The following PCYT1A variants were observed in gnomAD, a reference collection of about 807,000 sequenced individuals.
The protein encoded by PCYT1A is choline-phosphate cytidylyltransferase A.
PCYT1A carries 25 observed loss-of-function variants against 43.7 expected under a neutral mutation model. That is an observed-to-expected ratio of 0.57 (90% CI 0.42 to 0.80). PCYT1A has a LOEUF of 0.80. Among genes scored for constraint, PCYT1A ranks in the 30% least tolerant of loss-of-function variants. The pLI, the probability that PCYT1A is intolerant of heterozygous loss-of-function variation, is 0.00. For missense variants in PCYT1A, 421 were observed against 474.2 expected (o/e 0.89, Z 1.04); for synonymous variants, 172 against 170.7 (o/e 1.01, Z -0.06).
intron 5 of PCYT1A, among the ~76,000 whole-genome samples, chr3:196,246,555 TG>T (rs1353414203): frequency 6.6e-6 from 1 of 152,190 alleles, no homozygotes; most frequent in Non-Finnish European, 1.5e-5. Context: ...TACTTTAATG[TG>T]GGAGAATTAA....
rs753145998 is a variant in PCYT1A at position 196,239,727 on chromosome 3, T to C, written c.717A>G (p.Lys239=). The C allele has an allele frequency of 1.3e-6, 2 of 1,598,590 alleles. No homozygotes were observed. The highest frequency in any genetic ancestry group is 1.7e-5 in the Admixed American group (1 of 59,906). The part of the protein sequence containing the change: ...ELNVSFINEK[K]YHLQERVDKV... ...TGTCAACCCTCTCCTGCAAGTGGTATTTCTTCTCCTAGATAAAGAAATAAC... is the reference window on the plus strand; with the variant it reads ...TGTCAACCCTCTCCTGCAAGTGGTACTTCTTCTCCTAGATAAAGAAATAAC... The change falls in exon 8 of 9, where the codon AAA becomes AAG. Residue 239 remains lysine (K), a synonymous_variant. Transcript: ENST00000431016.
At chr3:196,271,317 T>G (rs1328625898) in intron 1 of PCYT1A, among the ~76,000 whole-genome samples, 1 of 152,182 alleles carries the variant, frequency 6.6e-6, no homozygotes, top group Non-Finnish European at 1.5e-5. Flanking sequence ...CATCACTGAG[T>G]GAATTTCTTA....
rs1725483676 is a variant in PCYT1A, at chr3:196,273,056, C to G, written c.-10-2515G>C. Among the ~76,000 whole-genome samples the G allele has an allele frequency of 6.6e-6, 1 of 152,222 alleles. No homozygotes were observed. Among genetic ancestry groups the G allele is most frequent in the African/African-American group, 2.4e-5 (1 of 41,454 alleles). On this transcript the variant is annotated intron_variant, in intron 1 of 8. Transcript: ENST00000431016. This position sits in a 1 kb window ranked among gnomAD's most constrained non-coding sequence, Gnocchi z 4.1. ...CACAGGGTCCGGCCACTGCGCACAG[C>G]CAGGCACGCCAGCTGCCAGGGGGTG...
chr3:196,240,153 A>C (rs1189618395), intron 7 of PCYT1A: 1 of 163,926 alleles, frequency 6.1e-6, no homozygotes, highest in Non-Finnish European at 1.3e-5. Context: ...TTGAAAGAGA[A>C]AATACTAGAT....
intron 1 of PCYT1A, among the ~76,000 whole-genome samples, chr3:196,271,419 T>G (rs1196074620): frequency 6.6e-6 from 1 of 152,192 alleles, no homozygotes; most frequent in Non-Finnish European, 1.5e-5. Context: ...ATTTACTTTT[T>G]TATTGTTTTT....
chr3:196,244,494 A>C (rs1724491128), intron 5 of PCYT1A, among the ~76,000 whole-genome samples: 1 of 144,964 alleles, frequency 6.9e-6, no homozygotes, highest in Admixed American at 6.9e-5. Context: ...TCCGCCCGGC[A>C]GCCACCCCGT....
At chr3:196,258,033 T>C (rs1345667315) in intron 2 of PCYT1A, 146 bp from the exon 3 acceptor site, 13 of 552,888 alleles carry the variant, frequency 2.4e-5, no homozygotes, top group Non-Finnish European at 4.2e-5. Context: ...CCGCCTGTAA[T>C]CCCAGCACTT....
intron 1 of PCYT1A, among the ~76,000 whole-genome samples, chr3:196,285,557 AG>A (rs1381288127): frequency 1.3e-5 from 2 of 152,242 alleles, no homozygotes; most frequent in African/African-American, 4.8e-5. Context: ...ACAGCCCTAA[AG>A]AAAGGGAATG....
chr3:196,267,241 C>T (rs1380705911), intron 2 of PCYT1A: 2 of 420,068 alleles, frequency 4.8e-6, no homozygotes, highest in Non-Finnish European at 9.5e-6. Context: ...ATCTTCAAAA[C>T]AAGCTCAGTG....
intron 2 of PCYT1A, among the ~76,000 whole-genome samples, chr3:196,259,235 T>G (rs1051695218): frequency 2.6e-5 from 4 of 152,180 alleles, no homozygotes; most frequent in African/African-American, 9.7e-5. Context: ...TTTTAATGAC[T>G]AATTCCTTTT....
chr3:196,238,905 C>T lies in PCYT1A; in HGVS notation c.898-11G>A, dbSNP rs1170539147. The T allele has an allele frequency of 4.3e-6, 6 of 1,392,880 alleles. No individual in the cohort carries two copies. The highest frequency in any genetic ancestry group is 2.8e-5 in the East Asian group (1 of 35,128). The allele number at this position is 1,392,880 out of a possible 1,614,324, so 86.3% of individuals were successfully genotyped here. A position where few individuals can be genotyped will look rare whatever the true frequency, so the allele number is the denominator to read the frequency against. On this transcript the variant is annotated splice_polypyrimidine_tract_variant and intron_variant, in intron 8 of 8. Transcript: ENST00000431016. ...TTTCAGCATATGTTTCTGCAGAAAC[C>T]GAAAGGAAGAGTCAGAAAAACACCG...
At chr3:196,286,989 T>C (rs891586680) in intron 1 of PCYT1A, among the ~76,000 whole-genome samples, 3 of 152,202 alleles carry the variant, frequency 2.0e-5, no homozygotes, top group African/African-American at 7.2e-5. Flanking sequence ...AAGAAACCCA[T>C]AGTGTGGGAG....
Position 196,247,225 on chromosome 3 carries a change from A to G in PCYT1A, c.486+142T>C. The G allele has an allele frequency of 1.2e-6, 1 of 825,830 alleles. No homozygotes were observed. Among genetic ancestry groups the G allele is most frequent in the South Asian group, 1.6e-5 (1 of 63,064 alleles). The allele number at this position is 825,830 out of a possible 1,614,324, so 51.2% of individuals were successfully genotyped here. On this transcript the variant is annotated intron_variant, in intron 5 of 8. Transcript: ENST00000431016. The surrounding 1 kb of genome is among the most constrained non-coding windows in gnomAD (Gnocchi z 4.8). ...GTCAGGGGTGACTGTTATCACTAGT[A>G]ATATCACTGTCATCTCCTACGAAAC...
chr3:196,245,298 C>T (rs987955387), intron 5 of PCYT1A, among the ~76,000 whole-genome samples: 4 of 152,062 alleles, frequency 2.6e-5, no homozygotes, highest in African/African-American at 9.7e-5. Context: ...CATGTCACCC[C>T]GCCTGGTTAA....
rs200813228 is a variant in PCYT1A at position 196,247,368 on chromosome 3, C to T, written c.485G>A (p.Arg162Gln). The T allele has an allele frequency of 6.8e-6, 11 of 1,613,904 alleles. No homozygotes were observed. The highest frequency in any genetic ancestry group is 4.5e-5 in the East Asian group (2 of 44,888). The change falls in exon 5 of 9, where the codon CGG becomes CAG. Residue 162 changes from arginine to glutamine, a missense_variant and splice_region_variant. Physicochemically the swap from Arg to Gln is conservative, Grantham distance 43. Around this residue, in one of 3 missense-constraint regions of PCYT1A, gnomAD observed 174 missense variants for 270.7 expected, o/e 0.64. Transcript: ENST00000431016. The surrounding 1 kb of genome is among the most constrained non-coding windows in gnomAD (Gnocchi z 4.8). ...GGGAATATGTGTCCAGTTTCTTACC[C>T]GGTGTTCGGCCAGGAACTCGGGTGT... Reference protein sequence around the residue: ...TLTPEFLAEHRIDFVAHDDIP... With the variant: ...TLTPEFLAEHQIDFVAHDDIP...
At chr3:196,255,359 C>T (rs775702532) in intron 3 of PCYT1A, among the ~76,000 whole-genome samples, 19 of 152,198 alleles carry the variant, frequency 1.2e-4, no homozygotes, top group Non-Finnish European at 2.2e-4. Flanking sequence ...ACTAATCATC[C>T]GTTTTACTGT....
chr3:196,269,273 C>T (rs530245773), intron 2 of PCYT1A, among the ~76,000 whole-genome samples: 68 of 152,258 alleles, frequency 4.5e-4, no homozygotes, highest in African/African-American at 1.6e-3. Flanking sequence ...GTATTATTTG[C>T]TTTTATTGCT....
chr3:196,274,009 T>C lies in PCYT1A; in HGVS notation c.-10-3468A>G, dbSNP rs532943954. Among the ~76,000 whole-genome samples the C allele has an allele frequency of 2.6e-5, 4 of 152,230 alleles. No homozygotes were observed. The South Asian group carries it at 8.3e-4, about 31-fold the overall frequency. On this transcript the variant is annotated intron_variant, in intron 1 of 8. Coordinates refer to ENST00000431016, the MANE Select transcript of PCYT1A (RefSeq NM_001312673.2). The stretch of plus-strand genomic sequence containing the variant: ...TCAGCTCCGCCTTGGCGTCCCCTCC[T>C]GTGCTGCTGGACACCCAAAATCCAG...
At chr3:196,279,131 T>G (rs571828398) in intron 1 of PCYT1A, among the ~76,000 whole-genome samples, 3 of 151,478 alleles carry the variant, frequency 2.0e-5, no homozygotes, top group Admixed American at 6.6e-5. Context: ...CTACTAAAAC[T>G]ACAAAAATAA....
Sources: gnomAD v4.1 joint callset for allele counts (sites outside exome capture counted in the v4.1 genomes callset) on GRCh38, gnomAD v4.1.1 for gene constraint, gnomAD v4.1.1 regional missense constraint, Gnocchi (gnomAD v3.1) non-coding constraint, MANE v1.5 for transcripts, NCBI Gene and HGNC (gene_info 2026-07-23, HGNC 2026-07-21) for gene names.